SPHKAP: variants seen among roughly 807,000 people sequenced by gnomAD.
SPHKAP encodes the protein SPHK1 interactor, AKAP domain containing, also known as A-kinase anchor protein SPHKAP.
SPHKAP carries 67 observed loss-of-function variants against 137.5 expected under a neutral mutation model. The ratio of observed to expected loss-of-function variants is 0.49; its 90% CI spans 0.40 to 0.60. SPHKAP has a LOEUF of 0.60. SPHKAP is among the 20% of genes least tolerant of loss of function. SPHKAP has a pLI of 0.00. For synonymous variants in SPHKAP, 813 were observed against 785.3 expected (o/e 1.04, Z -0.59); for missense variants, 2,097 against 2,069.3 (o/e 1.01, Z -0.26).
chr2:228,014,135 A>G (rs1463978358), intron 7 of SPHKAP, among the ~76,000 whole-genome samples: 2 of 152,190 alleles, frequency 1.3e-5, no homozygotes, highest in African/African-American at 4.8e-5. Context: ...TTCAGTGACA[A>G]TTGCTATTTG....
chr2:228,119,578 T>G (rs987054690), intron 2 of SPHKAP, among the ~76,000 whole-genome samples: 13 of 150,942 alleles, frequency 8.6e-5, no homozygotes, highest in Non-Finnish European at 1.8e-4. Context: ...ATAGCAAACT[T>G]TCTGAGAATT....
intron 3 of SPHKAP, among the ~76,000 whole-genome samples, chr2:228,108,018 A>G (rs1379783051): frequency 1.3e-5 from 2 of 152,148 alleles, no homozygotes; most frequent in African/African-American, 4.8e-5. Flanking sequence ...TTGCTATCCC[A>G]TATTCAGCTT....
intron 11 of SPHKAP, among the ~76,000 whole-genome samples, chr2:227,989,570 A>G (rs1419542442): frequency 6.6e-6 from 1 of 152,138 alleles, no homozygotes; most frequent in Non-Finnish European, 1.5e-5. Context: ...GTTACCTTTG[A>G]GTTAATCAGA....
chr2:228,148,060 C>T (rs764858703), intron 1 of SPHKAP, among the ~76,000 whole-genome samples: 4 of 152,180 alleles, frequency 2.6e-5, no homozygotes, highest in Non-Finnish European at 2.9e-5. Context: ...ATACAACGTG[C>T]TTTTGTCCCA....
intron 2 of SPHKAP, among the ~76,000 whole-genome samples, chr2:228,127,009 T>C (rs1221606165): frequency 6.6e-6 from 1 of 152,222 alleles, no homozygotes; most frequent in East Asian, 1.9e-4. Flanking sequence ...TTTAGCAATA[T>C]GTCAGTTCTA....
At chr2:227,994,245 C>T (rs1289464316) in intron 8 of SPHKAP, 1 of 173,186 alleles carries the variant, frequency 5.8e-6, no homozygotes, top group Non-Finnish European at 1.1e-5. Flanking sequence ...AGAGCAACAC[C>T]TGGTACCTTT....
intron 3 of SPHKAP, among the ~76,000 whole-genome samples, chr2:228,042,898 G>A (rs1695904836): frequency 6.6e-6 from 1 of 152,116 alleles, no homozygotes; most frequent in Admixed American, 6.5e-5. Context: ...TCCCAGAGGT[G>A]TTTATGACTT....
intron 2 of SPHKAP, among the ~76,000 whole-genome samples, chr2:228,110,852 A>G (rs1374665971): frequency 6.6e-6 from 1 of 152,200 alleles, no homozygotes; most frequent in African/African-American, 2.4e-5. Context: ...TTTCTTAAAA[A>G]TATGTTATAT....
At chr2:228,148,616 G>A (rs2106395964) in intron 1 of SPHKAP, among the ~76,000 whole-genome samples, 1 of 152,184 alleles carries the variant, frequency 6.6e-6, no homozygotes, top group South Asian at 2.1e-4. Flanking sequence ...TCACGACTTG[G>A]CTTTATAATC....
At position 228,115,971 on chromosome 2, in the gene SPHKAP, G is replaced by T. The variant is rs887596203; in HGVS notation, c.139-7032C>A. The stretch of plus-strand genomic sequence containing the variant: ...ATAAAAAAAGGCTTGAAAGCTTTTT[G>T]CCCTTCTCCCATGTGAGGATATGGC... On this transcript the variant is annotated intron_variant, in intron 2 of 11. Coordinates refer to ENST00000392056, the MANE Select transcript of SPHKAP (RefSeq NM_001142644.2). Among the ~76,000 whole-genome samples the T allele has an allele frequency of 2.0e-5, 3 of 152,074 alleles. 1 individual carries two copies. In the South Asian group the frequency reaches 6.2e-4, roughly 31 times the overall value.
At position 228,019,983 on chromosome 2, in the gene SPHKAP, T is replaced by C. The variant is rs776106826; in HGVS notation, c.871A>G (p.Thr291Ala). ...IKTERSPENLTKNTALQSLDP... is the reference protein window; with the variant it reads ...IKTERSPENLAKNTALQSLDP... ...AGACTCTGCAAGGCTGTGTTCTTTG[T>C]TAGGTTTTCTGGAGATCGTTCTGTT... Residue 291 changes from threonine to alanine, a missense_variant, in exon 7 of 12, where the codon ACA becomes GCA. Coordinates refer to ENST00000392056, the MANE Select transcript of SPHKAP (RefSeq NM_001142644.2). The C allele has an allele frequency of 1.9e-6, 3 of 1,614,232 alleles. No homozygotes were observed. The East Asian group carries it at 6.7e-5, about 36-fold the overall frequency.
chr2:228,153,969 A>G (rs1700017449), intron 1 of SPHKAP, among the ~76,000 whole-genome samples: 1 of 152,192 alleles, frequency 6.6e-6, no homozygotes, highest in South Asian at 2.1e-4. Flanking sequence ...CTTCCCAGAA[A>G]GAATCAGAAG....
intron 3 of SPHKAP, among the ~76,000 whole-genome samples, chr2:228,061,563 C>T (rs549738867): frequency 1.2e-3 from 175 of 152,122 alleles, no homozygotes; most frequent in African/African-American, 3.9e-3. Flanking sequence ...TGAGCCACCG[C>T]GCCCGACCTA....
intron 1 of SPHKAP, among the ~76,000 whole-genome samples, chr2:228,177,786 C>G (rs974314461): frequency 6.6e-6 from 1 of 152,110 alleles, no homozygotes; most frequent in Non-Finnish European, 1.5e-5. Flanking sequence ...AACAAAATGA[C>G]AGGAAGCCTA....
chr2:228,067,400 C>T (rs1356710514), intron 3 of SPHKAP, among the ~76,000 whole-genome samples: 2 of 152,152 alleles, frequency 1.3e-5, no homozygotes, highest in Non-Finnish European at 2.9e-5. Flanking sequence ...TCAATATAGG[C>T]TACCTATACT....
rs1574826363 is a variant in SPHKAP, at chr2:228,075,075, T to TG, written c.246+33756_246+33757insC. ...AGGGCAGAGGGTATGTTTAGCTTAG[T>TG]CACCATGGTAGCTCCAGGGAGTAGC... On this transcript the variant is annotated intron_variant, in intron 3 of 11. Coordinates refer to ENST00000392056, the MANE Select transcript of SPHKAP (RefSeq NM_001142644.2). Among the ~76,000 whole-genome samples the TG allele has an allele frequency of 4.6e-5, 7 of 152,282 alleles. No individual in the cohort carries two copies. In the East Asian group the frequency reaches 1.4e-3, roughly 29 times the overall value.
chr2:228,001,408 AATAT>A (rs1001526884), intron 7 of SPHKAP, among the ~76,000 whole-genome samples: 33 of 141,062 alleles, frequency 2.3e-4, no homozygotes, highest in African/African-American at 8.0e-4. Context: ...TATATACATA[AATAT>A]ATATAAATAT....
chr2:228,143,192 C>G (rs965083051), intron 1 of SPHKAP, among the ~76,000 whole-genome samples: 1 of 152,138 alleles, frequency 6.6e-6, no homozygotes, highest in Non-Finnish European at 1.5e-5. Context: ...TAACTGAACA[C>G]AGTTGGGTGC....
At chr2:228,128,105 C>T (rs1252024579) in intron 2 of SPHKAP, among the ~76,000 whole-genome samples, 3 of 152,106 alleles carry the variant, frequency 2.0e-5, no homozygotes, top group Non-Finnish European at 2.9e-5. Flanking sequence ...CAACAATGAA[C>T]GTCGCCACAT....
Sources: gnomAD v4.1 joint callset for allele counts (sites outside exome capture counted in the v4.1 genomes callset) on GRCh38, gnomAD v4.1.1 for gene constraint, MANE v1.5 for transcripts, NCBI Gene and HGNC (gene_info 2026-07-23, HGNC 2026-07-21) for gene names.